USP11: variants seen among roughly 807,000 people sequenced by gnomAD.
The protein encoded by USP11 is ubiquitin specific peptidase 11, also known as ubiquitin carboxyl-terminal hydrolase 11.
Under a neutral mutation model 72.8 loss-of-function variants are expected in USP11, and 5 were observed. The ratio of observed to expected loss-of-function variants is 0.07; its 90% CI spans 0.04 to 0.14. The LOEUF (loss-of-function observed/expected upper bound fraction) is 0.14. Ranked by LOEUF, USP11 falls within the 10% of genes least tolerant of loss-of-function variation. USP11 has a pLI of 1.00. For missense variants in USP11, 480 were observed against 794.7 expected (o/e 0.60, Z 4.76); for synonymous variants, 368 against 326.5 (o/e 1.13, Z -1.37).
Position 47,233,107 on chromosome X carries a change from A to C in USP11, c.64A>C (p.Thr22Pro). ...AAAVAAAAAV[T>P]EDREPQHEEL... ...GGCTGTGGCGGCGGCAGCGGCGGTGACTGAGGATAGAGAGCCACAGCACGA... is the reference window on the plus strand; with the variant it reads ...GGCTGTGGCGGCGGCAGCGGCGGTGCCTGAGGATAGAGAGCCACAGCACGA... Residue 22 changes from threonine to proline, a missense_variant, in exon 1 of 21, where the codon ACT becomes CCT. Physicochemically the swap from Thr to Pro is conservative, Grantham distance 38 (BLOSUM62 -1). Transcript: ENST00000377107. 8.3e-7 allele frequency: 1 copy of C among 1,198,916 alleles called. No individual in the cohort carries two copies.
intron 13 of USP11, 128 bp from the exon 14 acceptor site, chrX:47,244,370 C>A: frequency 1.3e-6 from 1 of 775,448 alleles, no homozygotes; most frequent in Non-Finnish European, 1.9e-6. Flanking sequence ...TCAGCCCTCT[C>A]ACACCTCAGA....
Position 47,233,715 on chromosome X carries a change from G to T in USP11, c.176+496G>T, listed in dbSNP as rs192911931. On this transcript the variant is annotated intron_variant, in intron 1 of 20. Transcript: ENST00000377107. The stretch of plus-strand genomic sequence containing the variant: ...GGGAGCGGGGACCTCCGTGGGGGAG[G>T]GGGGAGGAGCCTGGAGCCTGGGAAC... The T allele has an allele frequency of 8.9e-3, 1,980 of 222,448 alleles. 12 individuals are homozygous for T. Among genetic ancestry groups the T allele is most frequent in the Middle Eastern group, 0.017 (6 of 352 alleles). 18.3% of individuals were successfully genotyped at this position (222,448 alleles called of 1,213,427 possible). A position where few individuals can be genotyped will look rare whatever the true frequency, so the allele number is the denominator to read the frequency against.
intron 9 of USP11, 90 bp from the exon 10 acceptor site, chrX:47,241,992 C>A: frequency 9.0e-6 from 9 of 995,143 alleles, no homozygotes; most frequent in Non-Finnish European, 1.2e-5. Flanking sequence ...TAGCAGTGGC[C>A]TTCCGCTTCA....
At chrX:47,235,800 C>A (rs2147348737) in intron 1 of USP11, among the ~76,000 whole-genome samples, 1 of 111,149 alleles carries the variant, frequency 9.0e-6, no homozygotes, top group Admixed American at 9.6e-5. Flanking sequence ...AAACCCAAGC[C>A]GTGTTTTTCT....
chrX:47,247,846 G>A lies in USP11; in HGVS notation c.2679G>A (p.Leu893=). 6 of 1,207,727 alleles carry A rather than the reference G, an allele frequency of 5.0e-6. No homozygotes were observed. Among genetic ancestry groups the A allele is most frequent in the Non-Finnish European group, 6.7e-6 (6 of 894,506 alleles). Residue 893 remains leucine, a synonymous_variant, in exon 21 of 21, where the codon CTG becomes CTA. Coordinates refer to ENST00000377107, the MANE Select transcript of USP11 (RefSeq NM_001371072.1). ...AACGCCAGGACGTGGCGCGACGCCT[G>A]CTGTCCCCGGCCGGCTCATCTGGCG... ...FYQRQDVARR[L]LSPAGSSGAP...
At chrX:47,244,383 C>G (rs2055420569) in intron 13 of USP11, 115 bp from the exon 14 acceptor site, 1 of 876,096 alleles carries the variant, frequency 1.1e-6, no homozygotes, top group African/African-American at 2.0e-5. Context: ...ACCTCAGATT[C>G]AGAACGGTTT....
Position 47,241,693 on chromosome X carries a change from G to T in USP11, c.1173G>T (p.Pro391=), listed in dbSNP as rs201389587. The part of the protein sequence containing the change: ...YVELCDAAGR[P]DQEVAQEAWQ... ...AGCTGTGCGATGCTGCTGGGCGACC[G>T]GATCAGGTAGGCTGCCCCCGCATTT... is the stretch of plus-strand genomic sequence containing the variant. The change falls in exon 9 of 21, where the codon CCG becomes CCT. Residue 391 remains proline, a synonymous_variant. Coordinates refer to ENST00000377107, the MANE Select transcript of USP11 (RefSeq NM_001371072.1). 4.2e-6 allele frequency: 5 copies of T among 1,186,420 alleles called. No individual in the cohort carries two copies. Among genetic ancestry groups the T allele is most frequent in the Non-Finnish European group, 5.7e-6 (5 of 884,821 alleles).
intron 3 of USP11, 121 bp from the exon 4 acceptor site, chrX:47,239,669 A>C: frequency 1.0e-6 from 1 of 960,816 alleles, no homozygotes; most frequent in Non-Finnish European, 1.5e-6. Context: ...TTTACAGACC[A>C]TTGTATATGT....
chrX:47,242,035 C>T, intron 9 of USP11, 47 bp from the exon 10 acceptor site: 1 of 1,174,373 alleles, frequency 8.5e-7, no homozygotes, highest in Non-Finnish European at 1.1e-6. Context: ...CCATGGTTTC[C>T]TCTTACCCTG....
At chrX:47,244,448 T>TC in intron 13 of USP11, 50 bp from the exon 14 acceptor site, 1 of 1,186,769 alleles carries the variant, frequency 8.4e-7, no homozygotes, top group Non-Finnish European at 1.1e-6. Context: ...CCGGGCTCTA[T>TC]CCCCACTGTC....
chrX:47,233,098 G>A lies in USP11; in HGVS notation c.55G>A (p.Ala19Thr). The part of the protein sequence containing the change: ...AAAAAAVAAA[A>T]AVTEDREPQH... The stretch of plus-strand genomic sequence containing the variant: ...TGCTGCGGCGGCTGTGGCGGCGGCA[G>A]CGGCGGTGACTGAGGATAGAGAGCC... The change falls in exon 1 of 21, where the codon GCG becomes ACG. Residue 19 changes from alanine (A) to threonine (T), a missense_variant. By Grantham distance (58) the Ala-to-Thr change is moderately conservative. This residue lies in a region of USP11 where 71 missense variants were observed against 71.4 expected (regional missense o/e 0.99). Coordinates refer to ENST00000377107, the MANE Select transcript of USP11 (RefSeq NM_001371072.1). 8.3e-7 allele frequency: 1 copy of A among 1,198,427 alleles called. No individual in the cohort carries two copies. The highest frequency in any genetic ancestry group is 1.1e-6 in the Non-Finnish European group (1 of 888,285).
chrX:47,242,124 G>A lies in USP11; in HGVS notation c.1222G>A (p.Asp408Asn), dbSNP rs2055406694. ...ATGGCAAAACCACAAACGGCGGAACGATTCTGTGATCGTGGACACTTTCCA... is the reference window on the plus strand; with the variant it reads ...ATGGCAAAACCACAAACGGCGGAACAATTCTGTGATCGTGGACACTTTCCA... ...EAWQNHKRRN[D>N]SVIVDTFHGL... The change falls in exon 10 of 21, where the codon GAT becomes AAT. Residue 408 changes from aspartate (D) to asparagine (N), a missense_variant. Asp to Asn is a conservative substitution (Grantham distance 23). Around this residue, in one of 5 missense-constraint regions of USP11, gnomAD observed 314 missense variants for 556.0 expected, o/e 0.56. Coordinates refer to ENST00000377107, the MANE Select transcript of USP11 (RefSeq NM_001371072.1). The A allele has an allele frequency of 8.3e-7, 1 of 1,211,144 alleles. No individual in the cohort carries two copies. Among genetic ancestry groups the A allele is most frequent in the Non-Finnish European group, 1.1e-6 (1 of 895,132 alleles).
At chrX:47,235,761 T>TGA (rs938179190) in intron 1 of USP11, among the ~76,000 whole-genome samples, 3 of 110,900 alleles carry the variant, frequency 2.7e-5, no homozygotes, top group African/African-American at 9.8e-5. Context: ...ACTGGGGAGA[T>TGA]GAGTTGAGAT....
chrX:47,245,509 G>T (rs1291648744), intron 17 of USP11, 27 bp downstream of exon 17: 2 of 1,028,465 alleles, frequency 1.9e-6, no homozygotes, highest in Non-Finnish European at 2.7e-6. Context: ...GGGCCTGTGT[G>T]TGGGGGTTTC....
At chrX:47,242,330 G>A in intron 10 of USP11, 24 bp downstream of exon 10, 1 of 1,207,397 alleles carries the variant, frequency 8.3e-7, no homozygotes, top group Non-Finnish European at 1.1e-6. Context: ...GGGGCCTGGG[G>A]AGATGATGAT....
Position 47,233,030 on chromosome X carries a change from G to A in USP11, c.-14G>A, listed in dbSNP as rs1292654403. On this transcript the variant is annotated 5_prime_UTR_variant, in exon 1 of 21. Coordinates refer to ENST00000377107, the MANE Select transcript of USP11 (RefSeq NM_001371072.1). ...TCGCACAGCTGCGTTGGCTGTAGAA[G>A]AGAACGGACGGCGATGGCGACGGTC... 2 of 1,211,819 alleles carry A rather than the reference G, an allele frequency of 1.7e-6. No individual in the cohort carries two copies. Among genetic ancestry groups the A allele is most frequent in the Non-Finnish European group, 2.2e-6 (2 of 895,479 alleles).
chrX:47,245,456 G>A lies in USP11; in HGVS notation c.2244G>A (p.Val748=), dbSNP rs1241662487. 1 of 1,209,655 alleles carries A rather than the reference G, an allele frequency of 8.3e-7. No individual in the cohort carries two copies. The highest frequency in any genetic ancestry group is 3.0e-5 in the East Asian group (1 of 33,832). ...AGTGCATTGAGCTCTTCACCACTGT[G>A]GAGACCCTGGAGAAGGAAAACCCCT... ...LQECIELFTT[V]ETLEKENPWY... Residue 748 remains valine (V), a synonymous_variant, in exon 17 of 21, where the codon GTG becomes GTA. Transcript: ENST00000377107.
rs1255156581 is a variant in USP11, at chrX:47,248,064, TCTC to T, written c.*137_*139del. 2.2e-5 allele frequency: 20 copies of T among 924,816 alleles called. No individual in the cohort carries two copies. Among genetic ancestry groups the T allele is most frequent in the South Asian group, 7.5e-5 (3 of 40,176 alleles). The allele number at this position is 924,816 out of a possible 1,213,427, so 76.2% of individuals were successfully genotyped here. A position where few individuals can be genotyped will look rare whatever the true frequency, so the allele number is the denominator to read the frequency against. ...TTGCAGGCTTAGTCGTGGCTACTGT[TCTC>T]CTGTGCCGCTGCATCGCTCTCTCCC... On this transcript the variant is annotated 3_prime_UTR_variant, in exon 21 of 21. Coordinates refer to ENST00000377107, the MANE Select transcript of USP11 (RefSeq NM_001371072.1).
chrX:47,235,012 A>G (rs763438551), intron 1 of USP11, among the ~76,000 whole-genome samples: 2 of 112,371 alleles, frequency 1.8e-5, no homozygotes, highest in East Asian at 2.8e-4. Flanking sequence ...TTCTCAATCT[A>G]TTTCAAAGTT....
Sources: allele counts gnomAD v4.1 joint callset (sites outside exome capture counted in the v4.1 genomes callset), GRCh38; gene constraint gnomAD v4.1.1; regional missense constraint gnomAD v4.1.1; transcripts MANE v1.5; gene names NCBI Gene and HGNC (gene_info 2026-07-23, HGNC 2026-07-21).